Variants in IMMP2L observed in about 807,000 individuals in gnomAD.
IMMP2L encodes the protein mitochondrial inner membrane protease subunit 2.
In IMMP2L, 18 loss-of-function variants were observed where a neutral mutation model predicts 19.3. That is an observed-to-expected ratio of 0.93 (90% CI 0.64 to 1.38). IMMP2L has a LOEUF of 1.38. Ranked by LOEUF, IMMP2L falls within the 40% of genes most tolerant of loss-of-function variation. IMMP2L has a pLI of 0.00. For missense variants in IMMP2L, 233 were observed against 218.2 expected (o/e 1.07, Z -0.43); for synonymous variants, 76 against 73.0 (o/e 1.04, Z -0.21).
intron 3 of IMMP2L, among the ~76,000 whole-genome samples, chr7:111,421,209 T>C (rs1835487599): frequency 1.3e-5 from 2 of 151,778 alleles, no homozygotes; most frequent in Non-Finnish European, 2.9e-5. Context: ...ATGTCTTCTT[T>C]TGAGAAGTGT....
chr7:110,856,022 A>G, intron 5 of IMMP2L, among the ~76,000 whole-genome samples: 1 of 152,060 alleles, frequency 6.6e-6, no homozygotes, highest in East Asian at 1.9e-4. Context: ...ATAAGTTTTG[A>G]AAATATGGAA....
intron 3 of IMMP2L, among the ~76,000 whole-genome samples, chr7:111,160,717 G>T (rs1012164426): frequency 1.4e-4 from 21 of 148,972 alleles, no homozygotes; most frequent in African/African-American, 4.6e-4. Flanking sequence ...AAAAATTAAA[G>T]AAATATAAAG....
At chr7:110,999,981 C>T (rs777868220) in intron 3 of IMMP2L, among the ~76,000 whole-genome samples, 1 of 152,162 alleles carries the variant, frequency 6.6e-6, no homozygotes, top group Non-Finnish European at 1.5e-5. Context: ...GAGCTCTACT[C>T]CCTTTTCTCT....
chr7:111,471,720 T>C (rs901141381), intron 3 of IMMP2L, among the ~76,000 whole-genome samples: 1 of 152,152 alleles, frequency 6.6e-6, no homozygotes. Flanking sequence ...CACGTTATAT[T>C]TCTTTTGAAC....
intron 3 of IMMP2L, among the ~76,000 whole-genome samples, chr7:110,984,297 A>T (rs564100684): frequency 2.6e-5 from 4 of 151,982 alleles, no homozygotes; most frequent in African/African-American, 9.7e-5. Context: ...TCACCAAAAA[A>T]AAAAAACCAC....
At chr7:111,258,149 T>C (rs527631659) in intron 3 of IMMP2L, among the ~76,000 whole-genome samples, 2 of 152,308 alleles carry the variant, frequency 1.3e-5, no homozygotes, top group Non-Finnish European at 2.9e-5. Context: ...AAAGAAACTC[T>C]TGAAACATCA....
chr7:111,028,204 G>T (rs184146837), intron 3 of IMMP2L, among the ~76,000 whole-genome samples: 1 of 152,028 alleles, frequency 6.6e-6, no homozygotes, highest in Non-Finnish European at 1.5e-5. Flanking sequence ...TTTTTTCAAC[G>T]TTAGCCAAAG....
intron 3 of IMMP2L, among the ~76,000 whole-genome samples, chr7:110,984,161 C>A (rs1189619157): frequency 4.0e-5 from 6 of 151,526 alleles, no homozygotes; most frequent in Non-Finnish European, 8.9e-5. Flanking sequence ...ATATATGGTC[C>A]CATATACTCT....
chr7:111,517,249 G>A (rs1563300460), intron 2 of IMMP2L, among the ~76,000 whole-genome samples: 1 of 151,932 alleles, frequency 6.6e-6, no homozygotes, highest in African/African-American at 2.4e-5. Context: ...TGTTATTGAT[G>A]AACAAAGACC....
intron 5 of IMMP2L, among the ~76,000 whole-genome samples, chr7:110,726,974 C>G (rs1331113518): frequency 2.0e-5 from 3 of 152,054 alleles, no homozygotes; most frequent in African/African-American, 7.2e-5. Flanking sequence ...AAGATCTCAA[C>G]AAAAAACACA....
chr7:110,666,468 G>T (rs1259574630), intron 5 of IMMP2L, among the ~76,000 whole-genome samples: 1 of 151,958 alleles, frequency 6.6e-6, no homozygotes, highest in Non-Finnish European at 1.5e-5. Context: ...TAGAGATGGG[G>T]TTTCACCATG....
intron 4 of IMMP2L, among the ~76,000 whole-genome samples, chr7:110,925,574 G>T (rs2129551010): frequency 6.6e-6 from 1 of 151,952 alleles, no homozygotes; most frequent in Non-Finnish European, 1.5e-5. Flanking sequence ...TGCTTCATTA[G>T]GTAGGAAAAA....
intron 3 of IMMP2L, among the ~76,000 whole-genome samples, chr7:111,353,811 T>C (rs1410107116): frequency 6.6e-6 from 1 of 152,146 alleles, no homozygotes; most frequent in Non-Finnish European, 1.5e-5. Context: ...ATTTTTATGA[T>C]AGACACCATA....
At chr7:110,917,018 A>C (rs10215072) in intron 4 of IMMP2L, among the ~76,000 whole-genome samples, 3,520 of 152,294 alleles carry the variant, frequency 0.023, 120 homozygotes, top group African/African-American at 0.08. Context: ...GTGTAACTTA[A>C]TTAAGGATTT....
At chr7:111,026,493 A>C (rs1826835645) in intron 3 of IMMP2L, among the ~76,000 whole-genome samples, 1 of 152,082 alleles carries the variant, frequency 6.6e-6, no homozygotes, top group Non-Finnish European at 1.5e-5. Context: ...GAAAATGTGC[A>C]ATTTAGATTA....
chr7:111,473,447 T>C (rs1038891897), intron 3 of IMMP2L, among the ~76,000 whole-genome samples: 5 of 152,182 alleles, frequency 3.3e-5, no homozygotes, highest in Non-Finnish European at 7.3e-5. Flanking sequence ...TTAAAAGTTT[T>C]CAAGTTTTCC....
At chr7:111,077,302 T>G (rs1338608265) in intron 3 of IMMP2L, among the ~76,000 whole-genome samples, 1 of 152,196 alleles carries the variant, frequency 6.6e-6, no homozygotes, top group East Asian at 1.9e-4. Context: ...TAAAAGCATT[T>G]TAAGCATTTT....
intron 5 of IMMP2L, among the ~76,000 whole-genome samples, chr7:110,825,846 T>G (rs1380104659): frequency 6.6e-6 from 1 of 152,108 alleles, no homozygotes; most frequent in African/African-American, 2.4e-5. Flanking sequence ...TGGGATCTAA[T>G]TAAACTAAAG....
intron 3 of IMMP2L, among the ~76,000 whole-genome samples, chr7:110,994,421 A>T (rs1822823754): frequency 6.6e-6 from 1 of 152,160 alleles, no homozygotes; most frequent in African/African-American, 2.4e-5. Flanking sequence ...CCTTACTGCG[A>T]AGTATGACCA....
Sources: gnomAD v4.1 joint callset for allele counts (sites outside exome capture counted in the v4.1 genomes callset) on GRCh38, gnomAD v4.1.1 for gene constraint, MANE v1.5 for transcripts, NCBI Gene and HGNC (gene_info 2026-07-23, HGNC 2026-07-21) for gene names.